Variants in RAPGEF6 observed in about 807,000 individuals in gnomAD.
RAPGEF6 encodes PDZ domain containing guanine nucleotide exchange factor (GEF) 2.
A neutral mutation model predicts 171.4 loss-of-function variants in RAPGEF6; 56 were observed. That is an observed-to-expected ratio of 0.33 (90% CI 0.26 to 0.41). RAPGEF6 has a LOEUF of 0.41. Ranked by LOEUF, RAPGEF6 falls within the 10% of genes least tolerant of loss-of-function variation. The pLI is 1.00. For synonymous variants in RAPGEF6, 692 were observed against 650.1 expected, an observed-to-expected ratio of 1.06 and a Z score of -0.98; for missense variants, 1,674 against 1,921.4, an observed-to-expected ratio of 0.87 and a Z score of 2.41.
In RAPGEF6 at chr5:131,447,008, C is replaced by T. The variant is rs140698149; in HGVS notation, c.3201-305G>A. On this transcript the variant is annotated intron_variant, in intron 21 of 27. Coordinates refer to ENST00000509018, the MANE Select transcript of RAPGEF6 (RefSeq NM_016340.6). ...ACAACAGTAACAAGAAAAAGCATTC[C>T]TCTGGTCCTGGAGGCCACCCACGCT... 1.5e-4 allele frequency: 39 copies of T among 267,344 alleles called. 1 individual carries two copies. In the East Asian group the frequency reaches 3.6e-3, roughly 25 times the overall value. The allele number at this position is 267,344 out of a possible 1,614,324, so 16.6% of individuals were successfully genotyped here. A position where few individuals can be genotyped will look rare whatever the true frequency, so the allele number is the denominator to read the frequency against.
At chr5:131,528,325 A>ATATATAT (rs1561538388) in intron 6 of RAPGEF6, among the ~76,000 whole-genome samples, 6 of 49,572 alleles carry the variant, frequency 1.2e-4, no homozygotes, top group South Asian at 1.3e-3. Flanking sequence ...ATATATATAT[A>ATATATAT]TATATATATA....
chr5:131,525,237 A>G (rs1414461415), intron 6 of RAPGEF6, among the ~76,000 whole-genome samples: 2 of 152,200 alleles, frequency 1.3e-5, no homozygotes, highest in Non-Finnish European at 2.9e-5. Context: ...ATTTTCTTTT[A>G]GGGCACAAAT....
At chr5:131,585,163 T>C (rs986483023) in intron 4 of RAPGEF6, among the ~76,000 whole-genome samples, 1 of 151,928 alleles carries the variant, frequency 6.6e-6, no homozygotes, top group Non-Finnish European at 1.5e-5. Flanking sequence ...GAAAAGGACA[T>C]CTAGGTATCC....
intron 1 of RAPGEF6, among the ~76,000 whole-genome samples, chr5:131,627,519 A>G (rs1247081241): frequency 6.6e-6 from 1 of 152,232 alleles, no homozygotes; most frequent in East Asian, 1.9e-4. Flanking sequence ...GGAAATAAAC[A>G]TTAAGGGAAA....
intron 6 of RAPGEF6, among the ~76,000 whole-genome samples, chr5:131,546,515 A>C (rs1760544985): frequency 6.6e-6 from 1 of 152,060 alleles, no homozygotes; most frequent in South Asian, 2.1e-4. Context: ...GAGGCAGGAG[A>C]AGCGCGTGAA....
chr5:131,443,080 G>T (rs1236050133), intron 22 of RAPGEF6, among the ~76,000 whole-genome samples: 1 of 152,098 alleles, frequency 6.6e-6, no homozygotes. Flanking sequence ...GAGTAGCTGG[G>T]ATTACAGGCA....
intron 6 of RAPGEF6, among the ~76,000 whole-genome samples, chr5:131,523,532 G>T (rs182911443): frequency 6.6e-6 from 1 of 151,992 alleles, no homozygotes; most frequent in Admixed American, 6.6e-5. Flanking sequence ...TTAAAGATTT[G>T]ACAGAGCTAA....
chr5:131,615,772 C>T (rs952542213), intron 1 of RAPGEF6, among the ~76,000 whole-genome samples: 3 of 152,104 alleles, frequency 2.0e-5, no homozygotes, highest in African/African-American at 7.2e-5. Context: ...CATGGTGGCG[C>T]ACACCTGTAG....
At chr5:131,580,980 T>C (rs1430712567) in intron 4 of RAPGEF6, among the ~76,000 whole-genome samples, 1 of 152,190 alleles carries the variant, frequency 6.6e-6, no homozygotes, top group Non-Finnish European at 1.5e-5. Context: ...TCCCTTTACT[T>C]GTGGATCTAG....
intron 22 of RAPGEF6, among the ~76,000 whole-genome samples, chr5:131,443,525 G>A (rs1166287742): frequency 6.6e-6 from 1 of 152,180 alleles, no homozygotes; most frequent in Non-Finnish European, 1.5e-5. Flanking sequence ...GAATAGAAGA[G>A]TGACTCTGCC....
intron 4 of RAPGEF6, among the ~76,000 whole-genome samples, chr5:131,591,168 A>C (rs1015594445): frequency 3.3e-5 from 5 of 152,196 alleles, no homozygotes; most frequent in African/African-American, 4.8e-5. Flanking sequence ...TTTATGTTAA[A>C]TAGTTATGCC....
At chr5:131,590,573 C>T (rs370650001) in intron 4 of RAPGEF6, among the ~76,000 whole-genome samples, 1 of 152,096 alleles carries the variant, frequency 6.6e-6, no homozygotes, top group Non-Finnish European at 1.5e-5. Flanking sequence ...CTACAATAGC[C>T]TATTATAAAT....
intron 5 of RAPGEF6, among the ~76,000 whole-genome samples, chr5:131,551,616 TAA>T (rs1477794486): frequency 6.6e-6 from 1 of 151,600 alleles, no homozygotes; most frequent in Non-Finnish European, 1.5e-5. Flanking sequence ...TCCCAAAAGA[TAA>T]AAGAGATTAT....
intron 7 of RAPGEF6, 55 bp downstream of exon 7, chr5:131,521,335 A>G (rs1043077676): frequency 1.1e-5 from 17 of 1,481,048 alleles, no homozygotes; most frequent in Non-Finnish European, 1.5e-5. Flanking sequence ...CAATCACAGA[A>G]TATCTGGCAA....
intron 19 of RAPGEF6, 146 bp from the exon 20 acceptor site, chr5:131,456,158 G>T: frequency 3.4e-6 from 2 of 591,742 alleles, no homozygotes; most frequent in East Asian, 2.8e-5. Context: ...GAAAAACTGA[G>T]AAAAAAATAA....
chr5:131,446,209 T>C (rs550029578), intron 22 of RAPGEF6, among the ~76,000 whole-genome samples: 353 of 152,344 alleles, frequency 2.3e-3, no homozygotes, highest in Non-Finnish European at 4.2e-3. Context: ...AAAAATGTTC[T>C]CAAACAGAAA....
chr5:131,514,215 A>G (rs1757928376), intron 7 of RAPGEF6, among the ~76,000 whole-genome samples: 1 of 152,236 alleles, frequency 6.6e-6, no homozygotes, highest in Non-Finnish European at 1.5e-5. Context: ...GTTCAAAAAC[A>G]TGCTAAGAAA....
At chr5:131,576,987 G>A (rs566581555) in intron 4 of RAPGEF6, among the ~76,000 whole-genome samples, 17 of 152,116 alleles carry the variant, frequency 1.1e-4, no homozygotes, top group African/African-American at 3.9e-4. Context: ...CATCAAGCTC[G>A]AGGATCTGCC....
intron 21 of RAPGEF6, chr5:131,449,995 T>C (rs746988611): frequency 7.2e-6 from 11 of 1,531,240 alleles, no homozygotes; most frequent in Non-Finnish European, 9.6e-6. Context: ...ACAACCTTCA[T>C]TCCAGTTGCG....
Sources: gnomAD v4.1 joint callset for allele counts (sites outside exome capture counted in the v4.1 genomes callset) on GRCh38, gnomAD v4.1.1 for gene constraint, MANE v1.5 for transcripts, NCBI Gene and HGNC (gene_info 2026-07-23, HGNC 2026-07-21) for gene names.